Variants in RFX4 observed in about 807,000 individuals in gnomAD.
RFX4 encodes the protein regulatory factor X4.
RFX4 carries 10 observed loss-of-function variants against 95.0 expected under a neutral mutation model. The ratio of observed to expected loss-of-function variants is 0.11; its 90% CI spans 0.06 to 0.18. The LOEUF (loss-of-function observed/expected upper bound fraction) is 0.18. Ranked by LOEUF, RFX4 falls within the 10% of genes least tolerant of loss-of-function variation. The pLI, the probability that RFX4 is intolerant of heterozygous loss-of-function variation, is 1.00. For synonymous variants in RFX4, 321 were observed against 340.7 expected (o/e 0.94, Z 0.64); for missense variants, 640 against 922.0 (o/e 0.69, Z 3.96).
intron 2 of RFX4, among the ~76,000 whole-genome samples, chr12:106,609,095 A>G (rs1411918120): frequency 6.6e-6 from 1 of 152,144 alleles, no homozygotes; most frequent in East Asian, 1.9e-4. Flanking sequence ...ACCACAGCAA[A>G]AACTTGCTGT....
intron 2 of RFX4, among the ~76,000 whole-genome samples, chr12:106,624,603 A>G (rs535363726): frequency 6.6e-6 from 1 of 152,084 alleles, no homozygotes; most frequent in Non-Finnish European, 1.5e-5. Context: ...TGGGGATTAC[A>G]GGCGTGAGCC....
chr12:106,679,571 G>A (rs1254146549), intron 4 of RFX4, among the ~76,000 whole-genome samples: 2 of 152,118 alleles, frequency 1.3e-5, no homozygotes, highest in Non-Finnish European at 2.9e-5. Flanking sequence ...TAAGCAACTA[G>A]TATGCACTTA....
At chr12:106,711,128 A>T (rs2042184677) in intron 9 of RFX4, among the ~76,000 whole-genome samples, 1 of 152,216 alleles carries the variant, frequency 6.6e-6, no homozygotes, top group South Asian at 2.1e-4. Flanking sequence ...TTGAGCTTGC[A>T]ATTAGCGAAA....
chr12:106,611,005 A>G (rs1181123171), intron 2 of RFX4, among the ~76,000 whole-genome samples: 1 of 152,074 alleles, frequency 6.6e-6, no homozygotes, highest in African/African-American at 2.4e-5. Context: ...TTTTAATAAT[A>G]GCCATTCTAA....
intron 4 of RFX4, among the ~76,000 whole-genome samples, chr12:106,658,515 C>T (rs1201589048): frequency 6.6e-6 from 1 of 152,176 alleles, no homozygotes; most frequent in Non-Finnish European, 1.5e-5. Context: ...CTAAGTCAGA[C>T]CTTCTTCCTC....
intron 8 of RFX4, among the ~76,000 whole-genome samples, chr12:106,696,974 T>C (rs1244854053): frequency 6.6e-6 from 1 of 152,148 alleles, no homozygotes; most frequent in African/African-American, 2.4e-5. Flanking sequence ...GGGCATATGC[T>C]GATAGCATGG....
intron 15 of RFX4, among the ~76,000 whole-genome samples, chr12:106,741,235 C>T (rs1007153588): frequency 6.6e-6 from 1 of 152,040 alleles, no homozygotes; most frequent in Non-Finnish European, 1.5e-5. Flanking sequence ...GAGCCAAGAT[C>T]ACGCCACTGG....
chr12:106,644,958 T>A (rs77067813), intron 3 of RFX4, among the ~76,000 whole-genome samples: 1 of 151,770 alleles, frequency 6.6e-6, no homozygotes, highest in South Asian at 2.1e-4. Flanking sequence ...CGAGCTCTCC[T>A]GGGACATTTG....
chr12:106,687,171 C>CTG, intron 6 of RFX4, 74 bp downstream of exon 6: 1 of 770,046 alleles, frequency 1.3e-6, no homozygotes, highest in Admixed American at 2.4e-5. Flanking sequence ...GTCTCTATCT[C>CTG]TCTCTCTCTC....
chr12:106,707,515 G>GA (rs1158740328), intron 8 of RFX4, among the ~76,000 whole-genome samples: 1 of 152,140 alleles, frequency 6.6e-6, no homozygotes. Flanking sequence ...AGGGATCACA[G>GA]AAGCCAAGAG....
intron 7 of RFX4, among the ~76,000 whole-genome samples, chr12:106,695,726 A>G (rs1379983634): frequency 6.6e-6 from 1 of 152,174 alleles, no homozygotes; most frequent in African/African-American, 2.4e-5. Context: ...AAATGGAAGA[A>G]TTCTGATATG....
intron 1 of RFX4, among the ~76,000 whole-genome samples, chr12:106,602,869 G>A (rs1361620844): frequency 6.6e-6 from 1 of 152,044 alleles, no homozygotes; most frequent in African/African-American, 2.4e-5. Flanking sequence ...AGGCTCTTGG[G>A]GACAAGGTAC....
At chr12:106,685,205 G>GT (rs1178252828) in intron 5 of RFX4, among the ~76,000 whole-genome samples, 4 of 150,042 alleles carry the variant, frequency 2.7e-5, no homozygotes, top group South Asian at 2.1e-4. Context: ...TATTTTAATG[G>GT]TTTTTTTTCT....
intron 2 of RFX4, among the ~76,000 whole-genome samples, chr12:106,611,815 C>A (rs1276163661): frequency 6.6e-6 from 1 of 152,106 alleles, no homozygotes; most frequent in Admixed American, 6.6e-5. Context: ...CTGCTGTAGT[C>A]CAGCTTTATT....
chr12:106,699,328 G>A (rs1167718817), intron 8 of RFX4, among the ~76,000 whole-genome samples: 2 of 152,004 alleles, frequency 1.3e-5, no homozygotes, highest in African/African-American at 4.8e-5. Context: ...CCAGAATGTG[G>A]CCTATTGGTG....
At position 106,586,955 on chromosome 12, in the gene RFX4, C is replaced by A. The variant is rs895909352; in HGVS notation, c.43+3592C>A. ...TGCTCCAGCGCCCAAACCAGACAGT[C>A]TCGCCCTCCCCGGGCGTGTGTGTGT... On this transcript the variant is annotated intron_variant, in intron 1 of 17. Coordinates refer to ENST00000392842, the MANE Select transcript of RFX4 (RefSeq NM_213594.3). The surrounding 1 kb of genome is among the most constrained non-coding windows in gnomAD (Gnocchi z 5.6). Among the ~76,000 whole-genome samples the A allele has an allele frequency of 4.6e-5, 7 of 152,208 alleles. No individual in the cohort carries two copies. Among genetic ancestry groups the A allele is most frequent in the African/African-American group, 1.7e-4 (7 of 41,468 alleles).
intron 8 of RFX4, among the ~76,000 whole-genome samples, chr12:106,704,840 T>C (rs1376192037): frequency 6.6e-6 from 1 of 152,028 alleles, no homozygotes; most frequent in African/African-American, 2.4e-5. Context: ...TGTGTGTGTG[T>C]GCGCGTGTGT....
intron 4 of RFX4, among the ~76,000 whole-genome samples, chr12:106,677,069 T>C (rs902945908): frequency 6.6e-6 from 1 of 152,158 alleles, no homozygotes; most frequent in Non-Finnish European, 1.5e-5. Flanking sequence ...CAGTGGAACC[T>C]GGCGCTGGAT....
At chr12:106,694,459 G>A (rs2041841535) in intron 7 of RFX4, among the ~76,000 whole-genome samples, 4 of 152,192 alleles carry the variant, frequency 2.6e-5, no homozygotes, top group Admixed American at 2.6e-4. Context: ...CAGGTTACCA[G>A]GGCAGGGGCA....
Sources: gnomAD v4.1 joint callset for allele counts (sites outside exome capture counted in the v4.1 genomes callset) on GRCh38, gnomAD v4.1.1 for gene constraint, Gnocchi (gnomAD v3.1) non-coding constraint, MANE v1.5 for transcripts, NCBI Gene and HGNC (gene_info 2026-07-23, HGNC 2026-07-21) for gene names.